Variants in ITPRID1 observed in about 807,000 individuals in gnomAD.
ITPRID1 encodes the protein ITPR interacting domain containing 1, also known as protein ITPRID1.
Under a neutral mutation model 95.4 loss-of-function variants are expected in ITPRID1, and 96 were observed. The observed-to-expected ratio is 1.01, with a 90% CI of 0.85 to 1.19. ITPRID1 has a LOEUF of 1.19. Ranked by LOEUF, ITPRID1 falls within the 50% of genes most tolerant of loss-of-function variation. ITPRID1 has a pLI of 0.00. For missense variants in ITPRID1, 1,339 were observed against 1,252.9 expected (o/e 1.07, Z -1.04); for synonymous variants, 510 against 453.6 (o/e 1.12, Z -1.58).
chr7:31,594,623 G>A (rs1051092131), intron 10 of ITPRID1, among the ~76,000 whole-genome samples: 11 of 152,094 alleles, frequency 7.2e-5, no homozygotes, highest in African/African-American at 1.9e-4. Context: ...TTGGGAGGTC[G>A]AGGCTGGTGG....
chr7:31,654,977 C>T lies in ITPRID1; in HGVS notation c.*2148C>T, dbSNP rs1426383637. On this transcript the variant is annotated 3_prime_UTR_variant, in exon 15 of 15. Coordinates refer to ENST00000615280, the MANE Select transcript of ITPRID1 (RefSeq NM_001257967.3). The stretch of plus-strand genomic sequence containing the variant: ...ATTTTTCCCATGGACTTAACATTCT[C>T]AGAGCGTGGACATCCCCATTCTGTC... Among the ~76,000 whole-genome samples, 3 of 152,138 alleles carry T rather than the reference C, an allele frequency of 2.0e-5. No individual in the cohort carries two copies. The highest frequency in any genetic ancestry group is 4.8e-5 in the African/African-American group (2 of 41,426).
chr7:31,597,526 C>A (rs150438021), intron 10 of ITPRID1, among the ~76,000 whole-genome samples: 1 of 149,806 alleles, frequency 6.7e-6, no homozygotes, highest in East Asian at 1.9e-4. Flanking sequence ...ATTCTTTTCA[C>A]AACTTCAACA....
At position 31,537,161 on chromosome 7, in the gene ITPRID1, G is replaced by A. The variant is rs141971080; in HGVS notation, c.-97-12265G>A. On this transcript the variant is annotated intron_variant, in intron 1 of 14. Coordinates refer to ENST00000615280, the MANE Select transcript of ITPRID1 (RefSeq NM_001257967.3). The stretch of plus-strand genomic sequence containing the variant: ...TCCCCTTCCAAAGACACTGCCTGTT[G>A]AAGAGGAACTGGTCTCTTTACTGTC... Among the ~76,000 whole-genome samples the A allele has an allele frequency of 3.6e-4, 54 of 149,772 alleles. 1 individual carries two copies. Among genetic ancestry groups the A allele is most frequent in the African/African-American group, 1.3e-3 (54 of 40,640 alleles).
chr7:31,539,932 G>T (rs564343757), intron 1 of ITPRID1, among the ~76,000 whole-genome samples: 5 of 152,066 alleles, frequency 3.3e-5, no homozygotes, highest in African/African-American at 9.7e-5. Context: ...GTTTCTGGTC[G>T]GAGATGTTAT....
intron 1 of ITPRID1, among the ~76,000 whole-genome samples, chr7:31,519,311 G>A (rs1783142873): frequency 6.6e-6 from 1 of 152,066 alleles, no homozygotes; most frequent in African/African-American, 2.4e-5. Flanking sequence ...GGGGCACATA[G>A]CTCAGACAGG....
intron 1 of ITPRID1, among the ~76,000 whole-genome samples, chr7:31,519,475 C>T (rs1449158092): frequency 6.6e-6 from 1 of 151,036 alleles, no homozygotes; most frequent in African/African-American, 2.4e-5. Flanking sequence ...ATCATATCAT[C>T]CAGAGATGAC....
intron 10 of ITPRID1, among the ~76,000 whole-genome samples, chr7:31,623,058 A>C (rs1273173767): frequency 2.7e-4 from 41 of 152,240 alleles, no homozygotes; most frequent in Non-Finnish European, 2.2e-4. Flanking sequence ...AACCAGGAAG[A>C]AGTTGAATCT....
chr7:31,638,358 A>G (rs1054384996), intron 10 of ITPRID1, among the ~76,000 whole-genome samples: 7 of 152,228 alleles, frequency 4.6e-5, no homozygotes, highest in Non-Finnish European at 1.0e-4. Flanking sequence ...CAGCTGTTCT[A>G]TTACTCAGGT....
chr7:31,538,740 T>C (rs1783839226), intron 1 of ITPRID1, among the ~76,000 whole-genome samples: 1 of 152,226 alleles, frequency 6.6e-6, no homozygotes, highest in African/African-American at 2.4e-5. Context: ...AGGAATATGA[T>C]GTTGTTATAT....
chr7:31,560,990 A>G (rs1784604188), intron 5 of ITPRID1, among the ~76,000 whole-genome samples: 2 of 152,138 alleles, frequency 1.3e-5, no homozygotes, highest in South Asian at 4.1e-4. Context: ...TGAGGTAAAA[A>G]GGGAACCAAA....
At chr7:31,578,659 C>G (rs2128147134) in intron 9 of ITPRID1, among the ~76,000 whole-genome samples, 1 of 152,302 alleles carries the variant, frequency 6.6e-6, no homozygotes, top group South Asian at 2.1e-4. Context: ...TTTCTTCTTG[C>G]TCGCAGTTGA....
intron 10 of ITPRID1, among the ~76,000 whole-genome samples, chr7:31,587,725 C>A (rs1176340728): frequency 2.7e-5 from 4 of 150,716 alleles, no homozygotes; most frequent in African/African-American, 9.8e-5. Context: ...CATCACACTA[C>A]CTGACTTCAA....
At chr7:31,657,798 C>G (rs1184503873), downstream of ITPRID1, among the ~76,000 whole-genome samples, 4 of 151,854 alleles carry the variant, frequency 2.6e-5, no homozygotes, top group Non-Finnish European at 5.9e-5. Context: ...GTTAGCACAG[C>G]AAAACTTCTC....
At chr7:31,589,259 C>T (rs967559394) in intron 10 of ITPRID1, among the ~76,000 whole-genome samples, 4 of 151,964 alleles carry the variant, frequency 2.6e-5, no homozygotes, top group African/African-American at 9.7e-5. Context: ...TATCTATAGA[C>T]GTTATCCAAC....
rs751030102 is a variant in ITPRID1 at position 31,643,223 on chromosome 7, G to A, written c.1853G>A (p.Arg618Gln). 10 of 1,613,778 alleles carry A rather than the reference G, an allele frequency of 6.2e-6. No homozygotes were observed. Among genetic ancestry groups the A allele is most frequent in the African/African-American group, 4.0e-5 (3 of 74,900 alleles). Residue 618 changes from arginine (R) to glutamine (Q), a missense_variant, in exon 12 of 15, where the codon CGA becomes CAA. Arg to Gln is a conservative substitution (Grantham distance 43). Transcript: ENST00000615280. The part of the protein sequence containing the change: ...KFLHVDSEAP[R>Q]EEESSGFCPH... ...CTTCATGTTGACTCTGAGGCCCCACGAGAAGAGGAAAGCAGTGGATTCTGT... is the reference window on the plus strand; with the variant it reads ...CTTCATGTTGACTCTGAGGCCCCACAAGAAGAGGAAAGCAGTGGATTCTGT...
At chr7:31,554,664 T>C in intron 4 of ITPRID1, 141 bp downstream of exon 4, 1 of 1,135,806 alleles carries the variant, frequency 8.8e-7, no homozygotes, top group Non-Finnish European at 1.3e-6. Context: ...ATTCTATTAT[T>C]GTAAAAACTA....
intron 1 of ITPRID1, among the ~76,000 whole-genome samples, chr7:31,521,928 G>A (rs1168930989): frequency 1.1e-5 from 1 of 90,580 alleles, no homozygotes; most frequent in Non-Finnish European, 2.2e-5. Context: ...TTTTTTTTTT[G>A]GTAGAGACAG....
intron 10 of ITPRID1, among the ~76,000 whole-genome samples, chr7:31,596,100 ATT>A (rs1786077861): frequency 6.6e-6 from 1 of 151,438 alleles, no homozygotes; most frequent in South Asian, 2.1e-4. Context: ...CAAATTTTAT[ATT>A]GATACTATAT....
At chr7:31,586,469 A>G (rs12333378) in intron 10 of ITPRID1, among the ~76,000 whole-genome samples, 1,899 of 149,556 alleles carry the variant, frequency 0.013, 26 homozygotes, top group African/African-American at 0.044. Context: ...GTGTAAAAGT[A>G]TTCCTATTTC....
Sources: gnomAD v4.1 joint callset for allele counts (sites outside exome capture counted in the v4.1 genomes callset) on GRCh38, gnomAD v4.1.1 for gene constraint, MANE v1.5 for transcripts, NCBI Gene and HGNC (gene_info 2026-07-23, HGNC 2026-07-21) for gene names.